Variants in ZBBX observed in about 807,000 individuals in gnomAD.
The protein encoded by ZBBX is zinc finger B-box domain-containing protein 1.
ZBBX carries 101 observed loss-of-function variants against 108.5 expected under a neutral mutation model. The ratio of observed to expected loss-of-function variants is 0.93; its 90% CI spans 0.79 to 1.10. ZBBX has a LOEUF of 1.10. Ranked by LOEUF, ZBBX falls within the 50% of genes least tolerant of loss-of-function variation. The pLI, the probability that ZBBX is intolerant of heterozygous loss-of-function variation, is 0.00. For missense variants in ZBBX, 1,009 were observed against 941.4 expected, an observed-to-expected ratio of 1.07 and a Z score of -0.94; for synonymous variants, 356 against 323.4, an observed-to-expected ratio of 1.10 and a Z score of -1.08.
intron 20 of ZBBX, among the ~76,000 whole-genome samples, chr3:167,277,633 C>T (rs1727862264): frequency 2.0e-5 from 3 of 152,062 alleles, no homozygotes; most frequent in Admixed American, 6.5e-5. Flanking sequence ...GACTTAGACT[C>T]CCACACATTA....
chr3:167,313,919 T>C, intron 16 of ZBBX, 55 bp downstream of exon 16: 1 of 1,439,794 alleles, frequency 6.9e-7, no homozygotes, highest in Non-Finnish European at 9.2e-7. Flanking sequence ...TAGACTGCAA[T>C]AGTAAATTAT....
chr3:167,208,824 C>T, the ZBBX span, among the ~76,000 whole-genome samples: 87 of 152,070 alleles, frequency 5.7e-4, no homozygotes, highest in African/African-American at 2.0e-3. Context: ...GCTTAGGCAC[C>T]AGTTGGGACA....
chr3:167,317,492 A>G lies in ZBBX; in HGVS notation c.1089T>C (p.Ser363=), dbSNP rs1735655607. The stretch of plus-strand genomic sequence containing the variant: ...TCTAATCAAGTATGAACTAACCATC[A>G]CTATCTTCATCGTTTTCATTTTGAG... The part of the protein sequence containing the change: ...QCSQNENDED[S]DGEETKVQHT... The change falls in exon 13 of 22, where the codon AGT becomes AGC. Residue 363 remains serine (S), a synonymous_variant. Coordinates refer to ENST00000675490, the MANE Select transcript of ZBBX (RefSeq NM_001199201.2). The G allele has an allele frequency of 2.5e-6, 4 of 1,604,072 alleles. No homozygotes were observed. Among genetic ancestry groups the G allele is most frequent in the Middle Eastern group, 1.7e-4 (1 of 6,016 alleles).
At chr3:167,362,712 C>A (rs1377945744) in intron 6 of ZBBX, among the ~76,000 whole-genome samples, 1 of 152,130 alleles carries the variant, frequency 6.6e-6, no homozygotes, top group Non-Finnish European at 1.5e-5. Flanking sequence ...TCCCACAGGA[C>A]CTAGCCCCTT....
intron 17 of ZBBX, 151 bp downstream of exon 17, chr3:167,305,492 T>C (rs547641743): frequency 5.7e-4 from 311 of 543,512 alleles, no homozygotes; most frequent in African/African-American, 5.7e-3. Flanking sequence ...TTCTCTCCCG[T>C]ATGAGTCACT....
the ZBBX span, among the ~76,000 whole-genome samples, chr3:167,193,487 C>T: frequency 6.6e-6 from 1 of 152,122 alleles, no homozygotes; most frequent in East Asian, 1.9e-4. Context: ...GGTATTTGTC[C>T]ATCTATGTAC....
At chr3:167,202,927 T>C in the ZBBX span, among the ~76,000 whole-genome samples, 2 of 152,122 alleles carry the variant, frequency 1.3e-5, no homozygotes, top group African/African-American at 2.4e-5. Context: ...GCCGAATATC[T>C]TACAATAGGG....
chr3:167,300,593 A>T (rs1732471306), intron 17 of ZBBX, among the ~76,000 whole-genome samples: 1 of 150,268 alleles, frequency 6.7e-6, no homozygotes. Context: ...ACACATTCCC[A>T]TCTCCCCCAC....
intron 10 of ZBBX, among the ~76,000 whole-genome samples, chr3:167,328,623 C>G (rs1409896584): frequency 1.3e-5 from 2 of 152,032 alleles, no homozygotes; most frequent in Non-Finnish European, 2.9e-5. Context: ...TTTACTTTAC[C>G]TCCTTCCATT....
chr3:167,281,100 G>A (rs180942306), intron 20 of ZBBX, among the ~76,000 whole-genome samples: 1 of 152,242 alleles, frequency 6.6e-6, no homozygotes, highest in East Asian at 1.9e-4. Flanking sequence ...TCTGCGGACT[G>A]TTGTGGGGTG....
chr3:167,290,737 G>A (rs1035694071), intron 18 of ZBBX, among the ~76,000 whole-genome samples: 13 of 152,116 alleles, frequency 8.5e-5, no homozygotes, highest in Non-Finnish European at 1.5e-4. Context: ...GGCTTCAGAA[G>A]GTGGGTAATA....
chr3:167,219,294 C>T, the ZBBX span, among the ~76,000 whole-genome samples: 16 of 152,054 alleles, frequency 1.1e-4, no homozygotes, highest in East Asian at 1.5e-3. Flanking sequence ...TAGATATTTA[C>T]GGAACACTTT....
the ZBBX span, among the ~76,000 whole-genome samples, chr3:167,222,130 A>G: frequency 6.6e-6 from 1 of 152,012 alleles, no homozygotes; most frequent in East Asian, 1.9e-4. Flanking sequence ...ACTATTCACA[A>G]TAGACAAGAT....
intron 6 of ZBBX, among the ~76,000 whole-genome samples, chr3:167,362,289 C>T (rs1314575644): frequency 6.6e-6 from 1 of 152,058 alleles, no homozygotes; most frequent in African/African-American, 2.4e-5. Context: ...ATGCTGACTC[C>T]TCCACCAGTA....
In ZBBX at chr3:167,317,779, A is replaced by G. The variant is rs891928193; in HGVS notation, c.984-182T>C. ...CAGAATCTTAATGTACTAAAAAAAA[A>G]CTGTGTAAATCAACTTGACATCACA... On this transcript the variant is annotated intron_variant, in intron 12 of 21. Coordinates refer to ENST00000675490, the MANE Select transcript of ZBBX (RefSeq NM_001199201.2). 2.6e-5 allele frequency among the ~76,000 whole-genome samples: 4 copies of G among 152,134 alleles called. No individual in the cohort carries two copies. The East Asian group carries it at 7.7e-4, about 29-fold the overall frequency.
chr3:167,365,993 C>G lies in ZBBX; in HGVS notation c.183-17G>C. 1 of 1,560,558 alleles carries G rather than the reference C, an allele frequency of 6.4e-7. No homozygotes were observed. The highest frequency in any genetic ancestry group is 1.2e-5 in the South Asian group (1 of 86,752). On this transcript the variant is annotated splice_polypyrimidine_tract_variant and intron_variant, in intron 5 of 21. Coordinates refer to ENST00000675490, the MANE Select transcript of ZBBX (RefSeq NM_001199201.2). ...TCGCTTGACCTTTAATATATATAAA[C>G]AAGATAAAATGTAATCACTAAACAC... is the stretch of plus-strand genomic sequence containing the variant.
At chr3:167,215,177 A>G in the ZBBX span, among the ~76,000 whole-genome samples, 4 of 152,158 alleles carry the variant, frequency 2.6e-5, no homozygotes, top group African/African-American at 9.6e-5. Flanking sequence ...AGTAATTCAA[A>G]AGATCAACAA....
chr3:167,228,500 C>A, the ZBBX span, among the ~76,000 whole-genome samples: 6 of 151,744 alleles, frequency 4.0e-5, no homozygotes, highest in Non-Finnish European at 8.8e-5. Flanking sequence ...TGGACAAAAT[C>A]TCACACAAAA....
the ZBBX span, among the ~76,000 whole-genome samples, chr3:167,216,040 T>C: frequency 3.3e-5 from 5 of 152,154 alleles, no homozygotes; most frequent in African/African-American, 1.2e-4. Flanking sequence ...GGGGAAAAGC[T>C]AGAAGCATTT....
Sources: gnomAD v4.1 joint callset for allele counts (sites outside exome capture counted in the v4.1 genomes callset) on GRCh38, gnomAD v4.1.1 for gene constraint, MANE v1.5 for transcripts, NCBI Gene and HGNC (gene_info 2026-07-23, HGNC 2026-07-21) for gene names.